Variants in PPP2R1A observed in about 807,000 individuals in gnomAD.
PPP2R1A encodes the protein serine/threonine-protein phosphatase 2A 65 kDa regulatory subunit A alpha isoform.
Under a neutral mutation model 67.1 loss-of-function variants are expected in PPP2R1A, and 15 were observed. The observed-to-expected ratio is 0.22, with a 90% CI of 0.15 to 0.34. PPP2R1A has a LOEUF of 0.34. Ranked by LOEUF, PPP2R1A falls within the 10% of genes least tolerant of loss-of-function variation. The pLI is 1.00. For missense variants in PPP2R1A, 369 were observed against 775.0 expected (o/e 0.48, Z 6.22); for synonymous variants, 337 against 325.0 (o/e 1.04, Z -0.40).
In PPP2R1A at chr19:52,213,914, T is replaced by A. The variant is rs187179177; in HGVS notation, c.807+804T>A. ...TCCAGATTGCCTCATCCCACAAACATGTTTGCTGAGCACCAGCTATTTGCT... is the reference window on the plus strand; with the variant it reads ...TCCAGATTGCCTCATCCCACAAACAAGTTTGCTGAGCACCAGCTATTTGCT... On this transcript the variant is annotated intron_variant, in intron 6 of 14. Coordinates refer to ENST00000322088, the MANE Select transcript of PPP2R1A (RefSeq NM_014225.6). This position sits in a 1 kb window ranked among gnomAD's most constrained non-coding sequence, Gnocchi z 4.2. 9.9e-5 allele frequency among the ~76,000 whole-genome samples: 15 copies of A among 152,224 alleles called. No homozygotes were observed. Among genetic ancestry groups the A allele is most frequent in the Admixed American group, 2.0e-4 (3 of 15,290 alleles).
Position 52,216,727 on chromosome 19 carries a change from T to G in PPP2R1A, c.1128+64T>G. 1 of 1,608,720 alleles carries G rather than the reference T, an allele frequency of 6.2e-7. No individual in the cohort carries two copies. Among genetic ancestry groups the G allele is most frequent in the South Asian group, 1.1e-5 (1 of 90,922 alleles). ...GGACAGGCGGGTCTTCCTAGATTGCTAGGGTTTACCTAGATTGACCAGGAA... is the reference window on the plus strand; with the variant it reads ...GGACAGGCGGGTCTTCCTAGATTGCGAGGGTTTACCTAGATTGACCAGGAA... On this transcript the variant is annotated intron_variant, in intron 9 of 14. Coordinates refer to ENST00000322088, the MANE Select transcript of PPP2R1A (RefSeq NM_014225.6). This position sits in a 1 kb window ranked among gnomAD's most constrained non-coding sequence, Gnocchi z 4.3.
rs1481722640 is a variant in PPP2R1A at position 52,219,833 on chromosome 19, T to C, written c.1271T>C (p.Ile424Thr). 1 of 1,612,420 alleles carries C rather than the reference T, an allele frequency of 6.2e-7. No individual in the cohort carries two copies. The highest frequency in any genetic ancestry group is 1.3e-5 in the African/African-American group (1 of 74,912). ...AAGTGGCGGGTGCGGCTGGCCATCA[T>C]TGAGTACATGCCCCTCCTGGCTGGA... ...DAKWRVRLAI[I>T]EYMPLLAGQL... is the part of the protein sequence containing the mutation. The change falls in exon 10 of 15, where the codon ATT becomes ACT. Residue 424 changes from isoleucine to threonine, a missense_variant. Coordinates refer to ENST00000322088, the MANE Select transcript of PPP2R1A (RefSeq NM_014225.6). This position sits in a 1 kb window ranked among gnomAD's most constrained non-coding sequence, Gnocchi z 4.0.
chr19:52,207,872 G>A (rs2089620709), intron 3 of PPP2R1A, among the ~76,000 whole-genome samples: 1 of 152,134 alleles, frequency 6.6e-6, no homozygotes, highest in Non-Finnish European at 1.5e-5. Context: ...CTGTAAACAA[G>A]GGAGGCAGGG....
In PPP2R1A at chr19:52,226,509, T is replaced by C. The variant is rs917073168; in HGVS notation, c.*528T>C. The C allele has an allele frequency of 4.4e-6, 1 of 229,776 alleles. No homozygotes were observed. The highest frequency in any genetic ancestry group is 6.5e-5 in the East Asian group (1 of 15,354). The allele number at this position is 229,776 out of a possible 1,614,324, so 14.2% of individuals were successfully genotyped here. ...CGCTTTTCTCTGGAGAAGATCTTGT[T>C]ACAGGACCCATTATACCCCTATGTC... On this transcript the variant is annotated 3_prime_UTR_variant, in exon 15 of 15. Transcript: ENST00000322088.
At chr19:52,215,758 C>A (rs874421) in intron 6 of PPP2R1A, 21 bp from the exon 7 acceptor site, 76 of 1,604,416 alleles carry the variant, frequency 4.7e-5, no homozygotes, top group Non-Finnish European at 6.2e-5. Flanking sequence ...TCACTCTCCC[C>A]CTCCTCCTTC....
At chr19:52,207,996 A>T (rs562956980) in intron 3 of PPP2R1A, among the ~76,000 whole-genome samples, 39 of 152,294 alleles carry the variant, frequency 2.6e-4, no homozygotes, top group Non-Finnish European at 4.4e-5. Flanking sequence ...GTTATAAGAA[A>T]TAGAAAATGG....
chr19:52,222,344 T>C, intron 13 of PPP2R1A, 103 bp downstream of exon 13: 2 of 1,453,498 alleles, frequency 1.4e-6, no homozygotes, highest in Non-Finnish European at 1.8e-6. Context: ...CTGGCAGCGC[T>C]CCTTGCTTGC....
At chr19:52,201,757 T>G in intron 1 of PPP2R1A, 187 bp from the exon 2 acceptor site, 1 of 574,380 alleles carries the variant, frequency 1.7e-6, no homozygotes, top group Non-Finnish European at 3.1e-6. Flanking sequence ...GCCACTACTA[T>G]TGTTGTTATT....
Position 52,220,228 on chromosome 19 carries a change from A to G in PPP2R1A, c.1342A>G (p.Met448Val). 1 of 1,614,040 alleles carries G rather than the reference A, an allele frequency of 6.2e-7. No individual in the cohort carries two copies. Residue 448 changes from methionine to valine, a missense_variant, in exon 11 of 15, where the codon ATG becomes GTG. This residue lies in a region of PPP2R1A where 276 missense variants were observed against 508.4 expected (regional missense o/e 0.54). Transcript: ENST00000322088. ...FFDEKLNSLCMAWLVDHVYAI... is the reference protein window; with the variant it reads ...FFDEKLNSLCVAWLVDHVYAI... ...TGATGAGAAACTTAACTCCTTGTGC[A>G]TGGCCTGGCTTGTGGATCATGGTGA...
intron 1 of PPP2R1A, among the ~76,000 whole-genome samples, chr19:52,190,757 T>G (rs1487436604): frequency 6.6e-6 from 1 of 152,154 alleles, no homozygotes; most frequent in African/African-American, 2.4e-5. Flanking sequence ...ACTAGCCAAG[T>G]TTAGGAGCGA....
chr19:52,211,895 C>G lies in PPP2R1A; in HGVS notation c.503+403C>G, dbSNP rs1206456608. On this transcript the variant is annotated intron_variant, in intron 4 of 14. Transcript: ENST00000322088. The surrounding 1 kb of genome is among the most constrained non-coding windows in gnomAD (Gnocchi z 5.3). ...ATAAACCACCTCAGTTTTCAGCCTCCTGCTCGTCTACTTTGCAAACGATTG... is the reference window on the plus strand; with the variant it reads ...ATAAACCACCTCAGTTTTCAGCCTCGTGCTCGTCTACTTTGCAAACGATTG... Among the ~76,000 whole-genome samples the G allele has an allele frequency of 1.3e-5, 2 of 152,246 alleles. No individual in the cohort carries two copies. The highest frequency in any genetic ancestry group is 4.8e-5 in the African/African-American group (2 of 41,458).
chr19:52,209,017 T>C (rs2089637436), intron 3 of PPP2R1A, among the ~76,000 whole-genome samples: 1 of 152,198 alleles, frequency 6.6e-6, no homozygotes, highest in Admixed American at 6.5e-5. Flanking sequence ...TTCTTAAATG[T>C]GTACCTTCCT....
rs562313148 is a variant in PPP2R1A at position 52,220,458 on chromosome 19, A to G, written c.1363+209A>G. On this transcript the variant is annotated intron_variant, in intron 11 of 14. Transcript: ENST00000322088. ...ACAGATCACCCAGGGGTTGCCTGGT[A>G]TAGTGGAGAGCCAGAGGGCCACTGA... Among the ~76,000 whole-genome samples, 10 of 152,230 alleles carry G rather than the reference A, an allele frequency of 6.6e-5. No individual in the cohort carries two copies. In the East Asian group the frequency reaches 1.6e-3, roughly 24 times the overall value.
In PPP2R1A at chr19:52,226,259, G is replaced by C. The variant is rs1979256775; in HGVS notation, c.*278G>C. 1 of 499,444 alleles carries C rather than the reference G, an allele frequency of 2.0e-6. No individual in the cohort carries two copies. The highest frequency in any genetic ancestry group is 3.5e-6 in the Non-Finnish European group (1 of 282,636). 30.9% of individuals were successfully genotyped at this position (499,444 alleles called of 1,614,324 possible). A position where few individuals can be genotyped will look rare whatever the true frequency, so the allele number is the denominator to read the frequency against. On this transcript the variant is annotated 3_prime_UTR_variant, in exon 15 of 15. Coordinates refer to ENST00000322088, the MANE Select transcript of PPP2R1A (RefSeq NM_014225.6). ...TCAGGGAGAGATGTGAGCATCCCGG[G>C]TCACTGGATCCTGCTGCTGTAATGG...
chr19:52,195,944 T>C (rs1005035547), intron 1 of PPP2R1A, among the ~76,000 whole-genome samples: 1 of 152,202 alleles, frequency 6.6e-6, no homozygotes, highest in Non-Finnish European at 1.5e-5. Flanking sequence ...CTGGAGGTTG[T>C]GGGGTGGGAC....
chr19:52,224,203 C>T (rs1035269586), intron 13 of PPP2R1A, among the ~76,000 whole-genome samples: 1 of 152,228 alleles, frequency 6.6e-6, no homozygotes, highest in South Asian at 2.1e-4. Flanking sequence ...AGGGAACTGT[C>T]AACTGAAAGT....
At chr19:52,225,845 T>C in intron 14 of PPP2R1A, 37 bp downstream of exon 14, 1 of 1,612,076 alleles carries the variant, frequency 6.2e-7, no homozygotes, top group Non-Finnish European at 8.5e-7. Flanking sequence ...AGCAGGAGGG[T>C]GGACTTTGAG....
chr19:52,208,198 C>T (rs1002018784), intron 3 of PPP2R1A, among the ~76,000 whole-genome samples: 6 of 152,124 alleles, frequency 3.9e-5, no homozygotes, highest in Admixed American at 1.3e-4. Flanking sequence ...GATGGAGTTT[C>T]ACTCTTGCTG....
intron 1 of PPP2R1A, among the ~76,000 whole-genome samples, chr19:52,197,408 C>T (rs61435553): frequency 0.14 from 21,042 of 152,102 alleles, 1,476 homozygotes; most frequent in Non-Finnish European, 0.15. Context: ...GGTGCAGTGG[C>T]TCATGCCTAT....
Sources: gnomAD v4.1 joint callset for allele counts (sites outside exome capture counted in the v4.1 genomes callset) on GRCh38, gnomAD v4.1.1 for gene constraint, gnomAD v4.1.1 regional missense constraint, Gnocchi (gnomAD v3.1) non-coding constraint, MANE v1.5 for transcripts, NCBI Gene and HGNC (gene_info 2026-07-23, HGNC 2026-07-21) for gene names.